MAST4: variants seen among roughly 807,000 people sequenced by gnomAD.
MAST4 encodes the protein microtubule-associated serine/threonine-protein kinase 4.
A neutral mutation model predicts 162.7 loss-of-function variants in MAST4; 89 were observed. The observed-to-expected ratio is 0.55, with a 90% CI of 0.46 to 0.65. The LOEUF (loss-of-function observed/expected upper bound fraction) is 0.65, where lower values mean the gene tolerates loss of function less well. Among genes scored for constraint, MAST4 ranks in the 30% least tolerant of loss-of-function variants. MAST4 has a pLI of 0.00. For missense variants in MAST4, 3,153 were observed against 3,374.0 expected (o/e 0.93, Z 1.62); for synonymous variants, 1,479 against 1,361.1 (o/e 1.09, Z -1.91).
intron 1 of MAST4, among the ~76,000 whole-genome samples, chr5:66,716,378 G>T (rs957190730): frequency 2.0e-5 from 3 of 151,882 alleles, no homozygotes; most frequent in Admixed American, 1.3e-4. Flanking sequence ...TTAGAGAGGG[G>T]GTCTTACTCG....
At chr5:67,027,653 G>C (rs567388544) in intron 4 of MAST4, among the ~76,000 whole-genome samples, 44 of 152,232 alleles carry the variant, frequency 2.9e-4, no homozygotes, top group African/African-American at 8.7e-4. Flanking sequence ...TCACCATAAG[G>C]GTTTTCAGTC....
Position 66,759,754 on chromosome 5 carries a change from A to G in MAST4, c.409A>G (p.Ser137Gly), listed in dbSNP as rs1753748790. 1 of 1,614,018 alleles carries G rather than the reference A, an allele frequency of 6.2e-7. No homozygotes were observed. The highest frequency in any genetic ancestry group is 8.5e-7 in the Non-Finnish European group (1 of 1,179,884). The change falls in exon 2 of 29, where the codon AGC (serine) becomes GGC (glycine). Residue 137 changes from serine to glycine, a missense_variant. Ser to Gly is a moderately conservative substitution (Grantham distance 56, BLOSUM62 0). Coordinates refer to ENST00000403625, the MANE Select transcript of MAST4 (RefSeq NM_001164664.2). Reference sequence around the variant, plus strand: ...TCCACCCATGCCGTTTCGGAAATGCAGCAACCCAGATGTGGCTTCTGGCCC... The same window carrying G: ...TCCACCCATGCCGTTTCGGAAATGCGGCAACCCAGATGTGGCTTCTGGCCC... Reference protein sequence around the residue: ...SPPPMPFRKCSNPDVASGPGK... With the variant: ...SPPPMPFRKCGNPDVASGPGK...
chr5:66,857,467 T>A (rs560300617), intron 3 of MAST4, among the ~76,000 whole-genome samples: 2 of 152,354 alleles, frequency 1.3e-5, no homozygotes, highest in Admixed American at 1.3e-4. Flanking sequence ...TTTTTAACCT[T>A]AATGGATATT....
intron 1 of MAST4, chr5:66,662,610 T>C (rs1746984090): frequency 6.6e-6 from 1 of 152,328 alleles, no homozygotes; most frequent in South Asian, 2.1e-4. Flanking sequence ...GACAGTAGTA[T>C]TTTAAAAGCT....
intron 4 of MAST4, among the ~76,000 whole-genome samples, chr5:67,018,857 A>G (rs559632583): frequency 1.3e-5 from 2 of 152,204 alleles, no homozygotes; most frequent in African/African-American, 2.4e-5. Flanking sequence ...TTTAATTTTA[A>G]TGAAACTTAT....
At chr5:66,893,793 A>C (rs1474407158) in intron 3 of MAST4, among the ~76,000 whole-genome samples, 1 of 152,158 alleles carries the variant, frequency 6.6e-6, no homozygotes, top group East Asian at 1.9e-4. Flanking sequence ...TTTATGAGCA[A>C]CTTACTGGAT....
rs1491485935 is a variant in MAST4 at position 66,646,253 on chromosome 5, AAT to A, written c.363+49236_363+49237del. 1.2e-3 allele frequency among the ~76,000 whole-genome samples: 151 copies of A among 130,606 alleles called. 1 individual carries two copies. Among genetic ancestry groups the A allele is most frequent in the African/African-American group, 4.4e-3 (146 of 33,114 alleles). 85.7% of individuals were successfully genotyped at this position (130,606 alleles called of 152,430 possible). ...CATTATTAATGGATATATTTAAAAA[AAT>A]GTTTTATGGTAAATCATTTTTATTG... On this transcript the variant is annotated intron_variant, in intron 1 of 28. Transcript: ENST00000403625.
intron 4 of MAST4, among the ~76,000 whole-genome samples, chr5:67,040,481 A>C (rs773576432): frequency 5.9e-5 from 9 of 152,194 alleles, no homozygotes; most frequent in Non-Finnish European, 1.2e-4. Flanking sequence ...GTCTACCATG[A>C]GCCTGAAAAA....
chr5:66,716,507 A>T (rs990026913), intron 1 of MAST4, among the ~76,000 whole-genome samples: 1 of 151,658 alleles, frequency 6.6e-6, no homozygotes, highest in Admixed American at 6.6e-5. Context: ...CACCGTGCCC[A>T]GCTAATTAAA....
intron 3 of MAST4, among the ~76,000 whole-genome samples, chr5:66,809,012 A>G (rs1756343952): frequency 6.6e-6 from 1 of 152,250 alleles, no homozygotes; most frequent in African/African-American, 2.4e-5. Context: ...TACTTAAAAA[A>G]TGAGACCTAG....
At chr5:66,609,691 GTTTT>G (rs796660631) in intron 1 of MAST4, among the ~76,000 whole-genome samples, 23 of 117,472 alleles carry the variant, frequency 2.0e-4, no homozygotes, top group South Asian at 7.0e-4. Context: ...CCAGCCTGGT[GTTTT>G]TTTTTTTTTG....
At chr5:66,755,356 T>C (rs1753470893) in intron 1 of MAST4, among the ~76,000 whole-genome samples, 1 of 152,228 alleles carries the variant, frequency 6.6e-6, no homozygotes, top group Non-Finnish European at 1.5e-5. Context: ...ATGACCACTG[T>C]TAATATTTAA....
intron 1 of MAST4, among the ~76,000 whole-genome samples, chr5:66,733,168 G>A (rs1217810191): frequency 2.0e-5 from 3 of 152,048 alleles, no homozygotes; most frequent in Non-Finnish European, 4.4e-5. Context: ...ATGAAATACA[G>A]GCATTACATG....
At chr5:67,125,870 C>G (rs1038521117) in intron 14 of MAST4, among the ~76,000 whole-genome samples, 2 of 152,220 alleles carry the variant, frequency 1.3e-5, no homozygotes, top group Non-Finnish European at 2.9e-5. Context: ...CTCCCACCAA[C>G]AGTGTAAAAA....
At chr5:67,156,417 G>A (rs1400906923) in intron 26 of MAST4, among the ~76,000 whole-genome samples, 7 of 152,148 alleles carry the variant, frequency 4.6e-5, no homozygotes, top group African/African-American at 1.7e-4. Context: ...TGTTCACAGG[G>A]GGAAACAGTG....
At chr5:67,048,517 G>T (rs2150524163) in intron 4 of MAST4, among the ~76,000 whole-genome samples, 1 of 152,104 alleles carries the variant, frequency 6.6e-6, no homozygotes, top group South Asian at 2.1e-4. Context: ...GGTTCAAAGA[G>T]ATTTTTTTAA....
In MAST4 at chr5:67,166,879, C is replaced by T; in HGVS notation, c.7700C>T (p.Pro2567Leu). 6.2e-7 allele frequency: 1 copy of T among 1,609,328 alleles called. No individual in the cohort carries two copies. The highest frequency in any genetic ancestry group is 2.2e-5 in the East Asian group (1 of 44,724). ...GAAACCAAAGGGAAGGACCCTGCCC[C>T]AGCCCAGCCTCCCCCAGCTAGGAAA... ...VGETKGKDPAPAQPPPARKQN... is the reference protein window; with the variant it reads ...VGETKGKDPALAQPPPARKQN... The change falls in exon 29 of 29, where the codon CCA becomes CTA. Residue 2567 changes from proline to leucine, a missense_variant. Coordinates refer to ENST00000403625, the MANE Select transcript of MAST4 (RefSeq NM_001164664.2).
intron 1 of MAST4, among the ~76,000 whole-genome samples, chr5:66,724,721 A>G (rs1436940886): frequency 6.6e-6 from 1 of 152,136 alleles, no homozygotes; most frequent in Non-Finnish European, 1.5e-5. Flanking sequence ...TTGTAACACA[A>G]TCATAAGTAT....
At position 66,842,038 on chromosome 5, in the gene MAST4, G is replaced by A. The variant is rs554251057; in HGVS notation, c.642+53244G>A. 3.9e-5 allele frequency among the ~76,000 whole-genome samples: 6 copies of A among 152,258 alleles called. No homozygotes were observed. In the South Asian group the frequency reaches 1.2e-3, roughly 32 times the overall value. ...TGAAGGAACAAAAGTGCTGCAATTA[G>A]GAAGGCATGATATATTAATAAGGTC... is the stretch of plus-strand genomic sequence containing the variant. On this transcript the variant is annotated intron_variant, in intron 3 of 28. Coordinates refer to ENST00000403625, the MANE Select transcript of MAST4 (RefSeq NM_001164664.2).
Sources: allele counts gnomAD v4.1 joint callset (sites outside exome capture counted in the v4.1 genomes callset), GRCh38; gene constraint gnomAD v4.1.1; transcripts MANE v1.5; gene names NCBI Gene and HGNC (gene_info 2026-07-23, HGNC 2026-07-21).